Variants in TPRG1 observed in about 807,000 individuals in gnomAD.
TPRG1 encodes the protein tumor protein p63-regulated gene 1 protein.
Under a neutral mutation model 29.3 loss-of-function variants are expected in TPRG1, and 29 were observed. The observed-to-expected ratio is 0.99, with a 90% CI of 0.74 to 1.35. The LOEUF (loss-of-function observed/expected upper bound fraction) is 1.35. TPRG1 is among the 40% of genes most tolerant of loss of function. TPRG1 has a pLI of 0.00. For missense variants in TPRG1, 327 were observed against 335.0 expected (o/e 0.98, Z 0.19); for synonymous variants, 130 against 116.8 (o/e 1.11, Z -0.73).
intron 3 of TPRG1, among the ~76,000 whole-genome samples, chr3:189,008,237 T>G (rs1276653378): frequency 6.6e-6 from 1 of 152,110 alleles, no homozygotes; most frequent in Non-Finnish European, 1.5e-5. Context: ...ATCGACTTTG[T>G]CCACTGTTGA....
chr3:189,085,987 C>T (rs764146021), intron 4 of TPRG1, among the ~76,000 whole-genome samples: 1 of 152,160 alleles, frequency 6.6e-6, no homozygotes, highest in African/African-American at 2.4e-5. Flanking sequence ...TGCTGACTCA[C>T]ACCATCGCAA....
rs554111869 is a variant in TPRG1, at chr3:189,091,435, T to C, written c.-462-35622T>C. ...TGAGATATAGGACATTTCCATCACA[T>C]AGTAATAGCCTGTGTCATTTCCTAT... On this transcript the variant is annotated intron_variant, in intron 4 of 10. Transcript: ENST00000433971. 5.3e-5 allele frequency among the ~76,000 whole-genome samples: 8 copies of C among 152,286 alleles called. No homozygotes were observed. The South Asian group carries it at 1.2e-3, about 24-fold the overall frequency.
intron 1 of TPRG1, among the ~76,000 whole-genome samples, chr3:189,199,957 G>C (rs927599563): frequency 2.6e-5 from 4 of 152,134 alleles, no homozygotes; most frequent in Non-Finnish European, 4.4e-5. Flanking sequence ...AAACAATCAA[G>C]TCTCACCTTT....
intron 1 of TPRG1, among the ~76,000 whole-genome samples, chr3:189,197,193 A>G (rs1412919368): frequency 6.6e-6 from 1 of 152,206 alleles, no homozygotes; most frequent in Non-Finnish European, 1.5e-5. Flanking sequence ...GATTGTGTTT[A>G]GTTTGTAGAG....
chr3:189,094,054 C>T (rs761202373), intron 4 of TPRG1, among the ~76,000 whole-genome samples: 1 of 152,150 alleles, frequency 6.6e-6, no homozygotes, highest in Non-Finnish European at 1.5e-5. Flanking sequence ...ATACAGCCTC[C>T]AAACACACGG....
chr3:189,129,449 C>A (rs1722860738), intron 2 of TPRG1, among the ~76,000 whole-genome samples: 1 of 152,152 alleles, frequency 6.6e-6, no homozygotes, highest in African/African-American at 2.4e-5. Flanking sequence ...GTTAAGATGG[C>A]ATCTGCTGGA....
At chr3:189,269,268 A>G (rs181743210) in intron 4 of TPRG1, among the ~76,000 whole-genome samples, 38 of 152,278 alleles carry the variant, frequency 2.5e-4, no homozygotes, top group South Asian at 6.2e-4. Flanking sequence ...TTTCCATAAC[A>G]ATGTGTGGTC....
At chr3:189,120,502 T>A (rs1280053307) in intron 1 of TPRG1, 1 of 152,192 alleles carries the variant, frequency 6.6e-6, no homozygotes, top group Admixed American at 6.5e-5. Flanking sequence ...AATATGTGAA[T>A]CTTTGGGTCA....
rs113882174 is a variant in TPRG1, at chr3:189,243,676, A to G, written c.479+4767A>G. Reference sequence around the variant, plus strand: ...TGAGTATAGGTTCTTAGAAGCAGCCAGGTCACATCTTGAATGTGTTGATGC... The same window carrying G: ...TGAGTATAGGTTCTTAGAAGCAGCCGGGTCACATCTTGAATGTGTTGATGC... On this transcript the variant is annotated intron_variant, in intron 4 of 5. Transcript: ENST00000345063. 2.3e-3 allele frequency among the ~76,000 whole-genome samples: 353 copies of G among 152,312 alleles called. 3 individuals carry two copies. Among genetic ancestry groups the G allele is most frequent in the African/African-American group, 8.2e-3 (342 of 41,572 alleles).
At chr3:189,107,253 G>C (rs998698944) in intron 1 of TPRG1, among the ~76,000 whole-genome samples, 1 of 151,996 alleles carries the variant, frequency 6.6e-6, no homozygotes, top group African/African-American at 2.4e-5. Context: ...ATTTTTGGGG[G>C]TGCCTTCAGG....
intron 4 of TPRG1, among the ~76,000 whole-genome samples, chr3:189,068,762 C>A (rs370918558): frequency 6.7e-6 from 1 of 149,942 alleles, no homozygotes; most frequent in African/African-American, 2.5e-5. Flanking sequence ...GATGATAGTG[C>A]GAAACTCTGT....
chr3:189,035,309 T>C (rs941951348), intron 4 of TPRG1, among the ~76,000 whole-genome samples: 7 of 152,262 alleles, frequency 4.6e-5, no homozygotes, highest in African/African-American at 1.4e-4. Context: ...AAGACTTAAA[T>C]GTAAGACCTC....
intron 3 of TPRG1, among the ~76,000 whole-genome samples, chr3:189,236,792 G>A (rs568504004): frequency 5.3e-4 from 80 of 151,668 alleles, no homozygotes; most frequent in African/African-American, 1.9e-3. Flanking sequence ...TTTCACTTCT[G>A]TCTCCCTTTT....
chr3:189,179,227 G>C (rs1729895768), intron 1 of TPRG1, among the ~76,000 whole-genome samples: 1 of 151,950 alleles, frequency 6.6e-6, no homozygotes, highest in African/African-American at 2.4e-5. Flanking sequence ...TACATTTCTG[G>C]GTCTCCAATT....
At chr3:189,041,875 C>T (rs1560410386) in intron 4 of TPRG1, among the ~76,000 whole-genome samples, 1 of 152,152 alleles carries the variant, frequency 6.6e-6, no homozygotes, top group African/African-American at 2.4e-5. Flanking sequence ...GGATGTTGAA[C>T]GTAAAATATA....
At chr3:189,128,282 A>G (rs1255254236) in intron 2 of TPRG1, among the ~76,000 whole-genome samples, 1 of 152,178 alleles carries the variant, frequency 6.6e-6, no homozygotes, top group Admixed American at 6.5e-5. Context: ...TCATTGTACC[A>G]GAGCTGTCAG....
Position 189,321,006 on chromosome 3 carries a change from A to G in TPRG1, c.*186A>G. The G allele has an allele frequency of 2.2e-6, 1 of 453,612 alleles. No individual in the cohort carries two copies. The highest frequency in any genetic ancestry group is 3.5e-5 in the East Asian group (1 of 28,830). The allele number at this position is 453,612 out of a possible 1,614,324, so 28.1% of individuals were successfully genotyped here. A position where few individuals can be genotyped will look rare whatever the true frequency, so the allele number is the denominator to read the frequency against. On this transcript the variant is annotated 3_prime_UTR_variant, in exon 6 of 6. Coordinates refer to ENST00000345063, the MANE Select transcript of TPRG1 (RefSeq NM_198485.4). ...CTGATAGATACACACTTTAGACCTCATACAAGAATAATCAAATTTTCTTAA... is the reference window on the plus strand; with the variant it reads ...CTGATAGATACACACTTTAGACCTCGTACAAGAATAATCAAATTTTCTTAA...
At chr3:189,022,885 G>A (rs947097497) in intron 3 of TPRG1, among the ~76,000 whole-genome samples, 19 of 152,238 alleles carry the variant, frequency 1.2e-4, no homozygotes, top group African/African-American at 2.2e-4. Flanking sequence ...GCGAGACTCC[G>A]TGGGGTAGGA....
At chr3:189,204,041 A>AC in intron 1 of TPRG1, among the ~76,000 whole-genome samples, 1 of 102,254 alleles carries the variant, frequency 9.8e-6, no homozygotes, top group South Asian at 2.7e-4. Flanking sequence ...CTGTCTCAAA[A>AC]AAAAAAAAAA....
Sources: gnomAD v4.1 joint callset for allele counts (sites outside exome capture counted in the v4.1 genomes callset) on GRCh38, gnomAD v4.1.1 for gene constraint, MANE v1.5 for transcripts, NCBI Gene and HGNC (gene_info 2026-07-23, HGNC 2026-07-21) for gene names.